The following CPAMD8 variants were observed in gnomAD, a reference collection of about 807,000 sequenced individuals.
CPAMD8 encodes the protein C3 and PZP-like alpha-2-macroglobulin domain-containing protein 8.
A neutral mutation model predicts 224.7 loss-of-function variants in CPAMD8; 146 were observed. The ratio of observed to expected loss-of-function variants is 0.65; its 90% CI spans 0.57 to 0.75. CPAMD8 has a LOEUF of 0.75. Ranked by LOEUF, CPAMD8 falls within the 30% of genes least tolerant of loss-of-function variation. The pLI, the probability that CPAMD8 is intolerant of heterozygous loss-of-function variation, is 0.00. For missense variants in CPAMD8, 2,301 were observed against 2,537.5 expected, an observed-to-expected ratio of 0.91 and a Z score of 2.00; for synonymous variants, 966 against 1,044.6, an observed-to-expected ratio of 0.92 and a Z score of 1.45.
In CPAMD8 at chr19:16,906,955, G is replaced by A. The variant is rs770761082; in HGVS notation, c.4024C>T (p.Arg1342Ter). ...GGGGAGGGCCAGGGACACCTACCTC[G>A]CATGATGGCCAGGCTACGGAGCTTG... ...LRKLRSLAIMRDGVTHWSLSN... is the reference protein window; with the variant it reads ...LRKLRSLAIM The change falls in exon 30 of 42, where the codon CGA (arginine) becomes TGA (stop). Residue 1342 changes from arginine to a stop codon, truncating the protein, a stop_gained. Coordinates refer to ENST00000443236, the MANE Select transcript of CPAMD8 (RefSeq NM_015692.5). LOFTEE classifies it high-confidence loss of function. The A allele has an allele frequency of 1.2e-5, 19 of 1,583,718 alleles. No individual in the cohort carries two copies. Among genetic ancestry groups the A allele is most frequent in the South Asian group, 2.3e-5 (2 of 86,426 alleles).
chr19:16,899,629 G>A lies in CPAMD8; in HGVS notation c.4774-80C>T. On this transcript the variant is annotated intron_variant, in intron 36 of 41. Coordinates refer to ENST00000443236, the MANE Select transcript of CPAMD8 (RefSeq NM_015692.5). This position sits in a 1 kb window ranked among gnomAD's most constrained non-coding sequence, Gnocchi z 5.4. ...CATCCCCTGGGGGCAGTGGTCAGTG[G>A]GATGCTTGGACTTGCCCACAAGTTA... The A allele has an allele frequency of 1.0e-5, 8 of 773,920 alleles. No homozygotes were observed. The highest frequency in any genetic ancestry group is 9.6e-5 in the South Asian group (7 of 72,576). 47.9% of individuals were successfully genotyped at this position (773,920 alleles called of 1,614,324 possible).
chr19:17,001,498 G>C (rs1022767409), intron 9 of CPAMD8, among the ~76,000 whole-genome samples: 4 of 151,952 alleles, frequency 2.6e-5, no homozygotes, highest in Non-Finnish European at 5.9e-5. Flanking sequence ...TTTGGGGAGG[G>C]GAGACCCTTG....
intron 18 of CPAMD8, among the ~76,000 whole-genome samples, chr19:16,959,545 CTTT>C (rs1056827789): frequency 7.2e-6 from 1 of 139,658 alleles, no homozygotes; most frequent in Non-Finnish European, 1.6e-5. Flanking sequence ...CGTATATTTT[CTTT>C]TTTTTTTTTC....
chr19:16,922,079 G>A (rs1262713856), intron 26 of CPAMD8, 93 bp from the exon 27 acceptor site: 13 of 802,782 alleles, frequency 1.6e-5, no homozygotes, highest in Admixed American at 5.1e-5. Context: ...CCCCTACCCC[G>A]GATCTCCGAA....
chr19:16,955,713 G>A (rs761020066), intron 19 of CPAMD8, among the ~76,000 whole-genome samples: 13 of 152,238 alleles, frequency 8.5e-5, no homozygotes, highest in South Asian at 2.1e-4. Flanking sequence ...GTCTCACTCT[G>A]TAGCCCAGGC....
At chr19:16,904,176 A>AGCCCCCCCCCCCCCCCCCCCCCCC in intron 32 of CPAMD8, 50 bp downstream of exon 32, 1 of 937,338 alleles carries the variant, frequency 1.1e-6, no homozygotes, top group Non-Finnish European at 1.7e-6. Context: ...GACTGCAGGG[A>AGCCCCCCCCCCCCCCCCCCCCCCC]CCCCACCCAC....
chr19:16,975,443 A>G (rs138211707), intron 16 of CPAMD8, among the ~76,000 whole-genome samples, 185 bp from the exon 17 acceptor site: 2,242 of 152,278 alleles, frequency 0.015, 28 homozygotes, highest in South Asian at 0.033. Context: ...ACAGTGGCCC[A>G]TGCCTCTAAT....
chr19:17,001,697 G>A (rs983313897), intron 9 of CPAMD8, among the ~76,000 whole-genome samples: 2 of 151,732 alleles, frequency 1.3e-5, no homozygotes, highest in East Asian at 1.9e-4. Flanking sequence ...GGGAGGGAGC[G>A]GGGCACAGGG....
At chr19:17,019,469 G>A (rs2056896619) in intron 3 of CPAMD8, among the ~76,000 whole-genome samples, 1 of 152,102 alleles carries the variant, frequency 6.6e-6, no homozygotes, top group African/African-American at 2.4e-5. Context: ...AAATGTATGT[G>A]CATGAACAAG....
rs1157100296 is a variant in CPAMD8 at position 17,004,367 on chromosome 19, G to A, written c.579C>T (p.Phe193=). Residue 193 remains phenylalanine (F), a synonymous_variant, in exon 8 of 42, where the codon TTC becomes TTT. Transcript: ENST00000443236. ...PFCCGITNMS[F]PLSDQPVLGE... is the part of the protein sequence containing the mutation. ...CCAACACAGGCTGGTCGGACAAGGG[G>A]AAGCTCATGTTGGTGATGCCTGTGT... The A allele has an allele frequency of 1.9e-6, 3 of 1,612,844 alleles. No homozygotes were observed. The highest frequency in any genetic ancestry group is 2.7e-5 in the African/African-American group (2 of 74,894).
chr19:16,946,965 C>T (rs1047601013), intron 21 of CPAMD8, 109 bp downstream of exon 21: 21 of 1,210,484 alleles, frequency 1.7e-5, no homozygotes, highest in African/African-American at 3.1e-5. Context: ...TGGGACAGTC[C>T]TGACCTTACC....
intron 20 of CPAMD8, among the ~76,000 whole-genome samples, chr19:16,951,719 G>T (rs1054363148): frequency 1.3e-5 from 2 of 152,036 alleles, no homozygotes; most frequent in Non-Finnish European, 2.9e-5. Context: ...TCCTCACCCG[G>T]CTTTGACGGT....
intron 22 of CPAMD8, 136 bp downstream of exon 22, chr19:16,945,413 T>C: frequency 8.6e-7 from 1 of 1,166,184 alleles, no homozygotes; most frequent in Non-Finnish European, 1.2e-6. Flanking sequence ...TCCAGGCACC[T>C]GAGCTCTCAA....
intron 3 of CPAMD8, among the ~76,000 whole-genome samples, chr19:17,017,675 T>C (rs1292885644): frequency 6.6e-6 from 1 of 152,208 alleles, no homozygotes; most frequent in Non-Finnish European, 1.5e-5. Context: ...AAATGTGCCC[T>C]GTAGGGCAAA....
chr19:16,904,176 A>AGGGCGC, intron 32 of CPAMD8, 50 bp downstream of exon 32: 3 of 937,340 alleles, frequency 3.2e-6, no homozygotes, highest in Non-Finnish European at 5.0e-6. Context: ...GACTGCAGGG[A>AGGGCGC]CCCCACCCAC....
chr19:16,992,428 G>GA (rs1395760524), intron 12 of CPAMD8, among the ~76,000 whole-genome samples: 2 of 151,716 alleles, frequency 1.3e-5, no homozygotes, highest in African/African-American at 4.8e-5. Flanking sequence ...CATCTCTACA[G>GA]AAAAATTTAT....
chr19:16,920,567 G>A (rs2053133321), intron 27 of CPAMD8, among the ~76,000 whole-genome samples: 1 of 150,330 alleles, frequency 6.7e-6, no homozygotes, highest in African/African-American at 2.5e-5. Flanking sequence ...TGCACACTGA[G>A]TGTCTAGGCC....
At chr19:16,997,055 G>T in intron 11 of CPAMD8, 56 bp downstream of exon 11, 2 of 1,072,328 alleles carry the variant, frequency 1.9e-6, no homozygotes, top group Non-Finnish European at 2.9e-6. Context: ...GTGGCTAGTG[G>T]TGGTGGTTTC....
At chr19:16,989,575 C>T in intron 13 of CPAMD8, 68 bp downstream of exon 13, 1 of 1,556,042 alleles carries the variant, frequency 6.4e-7, no homozygotes, top group East Asian at 2.3e-5. Context: ...GCATGAGCCA[C>T]AGCACCTGGC....
Sources: gnomAD v4.1 joint callset for allele counts (sites outside exome capture counted in the v4.1 genomes callset) on GRCh38, gnomAD v4.1.1 for gene constraint, Gnocchi (gnomAD v3.1) non-coding constraint, MANE v1.5 for transcripts, NCBI Gene and HGNC (gene_info 2026-07-23, HGNC 2026-07-21) for gene names.